The following CSGALNACT1 variants were observed in gnomAD, a reference collection of about 807,000 sequenced individuals.
The protein encoded by CSGALNACT1 is beta4GalNAcT-1.
A neutral mutation model predicts 51.0 loss-of-function variants in CSGALNACT1; 52 were observed. That is an observed-to-expected ratio of 1.02 (90% CI 0.82 to 1.29). CSGALNACT1 has a LOEUF of 1.29. Among genes scored for constraint, CSGALNACT1 ranks in the 50% most tolerant of loss-of-function variants. The pLI, the probability that CSGALNACT1 is intolerant of heterozygous loss-of-function variation, is 0.00. For missense variants in CSGALNACT1, 935 were observed against 679.2 expected, an observed-to-expected ratio of 1.38 and a Z score of -4.19; for synonymous variants, 341 against 254.4, an observed-to-expected ratio of 1.34 and a Z score of -3.24.
intron 1 of CSGALNACT1, among the ~76,000 whole-genome samples, chr8:19,622,764 TAAA>T (rs949168396): frequency 1.3e-5 from 2 of 150,732 alleles, no homozygotes; most frequent in African/African-American, 4.9e-5. Context: ...AGGGGGGAAA[TAAA>T]AAAGTAATAC....
At chr8:19,505,475 G>A (rs771507744) in exon 4 of CSGALNACT1, 4 of 1,614,184 alleles carry the variant, frequency 2.5e-6, no homozygotes, top group Non-Finnish European at 3.4e-6. Flanking sequence ...GGAAGGCCAG[G>A]AGGTCGGCCT....
At chr8:19,732,668 A>G (rs2154246458) in intron 1 of CSGALNACT1, 1 of 152,388 alleles carries the variant, frequency 6.6e-6, no homozygotes, top group Admixed American at 6.5e-5. Flanking sequence ...AGTGAGAAGT[A>G]TCCACAGACA....
chr8:19,722,563 T>C (rs1269533306), intron 1 of CSGALNACT1, among the ~76,000 whole-genome samples: 2 of 152,110 alleles, frequency 1.3e-5, no homozygotes, highest in Non-Finnish European at 2.9e-5. Flanking sequence ...CTCCCCAGCC[T>C]AGGGTCATGG....
At chr8:19,729,323 A>C (rs1196511258) in intron 1 of CSGALNACT1, among the ~76,000 whole-genome samples, 1 of 152,152 alleles carries the variant, frequency 6.6e-6, no homozygotes, top group Non-Finnish European at 1.5e-5. Context: ...TTGCGTGTAT[A>C]TTTGCAGACA....
intron 4 of CSGALNACT1, among the ~76,000 whole-genome samples, chr8:19,498,908 G>T (rs1319025446): frequency 6.6e-6 from 1 of 152,190 alleles, no homozygotes; most frequent in African/African-American, 2.4e-5. Flanking sequence ...GAGGCCAGGA[G>T]CTCAAGACCA....
chr8:19,721,950 C>G (rs1375799324), intron 1 of CSGALNACT1, among the ~76,000 whole-genome samples: 1 of 152,084 alleles, frequency 6.6e-6, no homozygotes, highest in East Asian at 1.9e-4. Flanking sequence ...TAAAATGTTG[C>G]TACAGTAAAA....
chr8:19,696,682 G>A (rs866638088), intron 1 of CSGALNACT1, among the ~76,000 whole-genome samples: 1 of 152,126 alleles, frequency 6.6e-6, no homozygotes, highest in African/African-American at 2.4e-5. Context: ...ACTGTTAAAT[G>A]AGAGGGATAG....
At chr8:19,550,018 T>C (rs1273767459) in intron 3 of CSGALNACT1, among the ~76,000 whole-genome samples, 1 of 152,194 alleles carries the variant, frequency 6.6e-6, no homozygotes, top group Non-Finnish European at 1.5e-5. Flanking sequence ...AGTTGGTCTT[T>C]TTTCTTCCAT....
chr8:19,584,166 T>TG (rs2046162351), intron 3 of CSGALNACT1, among the ~76,000 whole-genome samples: 1 of 152,222 alleles, frequency 6.6e-6, no homozygotes, highest in South Asian at 2.1e-4. Flanking sequence ...CACCTACCTC[T>TG]GCTGTTTTTT....
intron 4 of CSGALNACT1, among the ~76,000 whole-genome samples, chr8:19,490,706 G>C (rs1226696387): frequency 1.3e-5 from 2 of 152,184 alleles, no homozygotes; most frequent in Non-Finnish European, 2.9e-5. Context: ...ATGAGGCTTT[G>C]CTGTAACTTC....
At chr8:19,494,139 G>A (rs1051785516) in intron 4 of CSGALNACT1, among the ~76,000 whole-genome samples, 10 of 152,148 alleles carry the variant, frequency 6.6e-5, no homozygotes, top group African/African-American at 2.4e-4. Context: ...AATTCTTCAG[G>A]TTTATCACCT....
rs1416838512 is a variant in CSGALNACT1 at position 19,433,713 on chromosome 8, T to C, written c.953+6117A>G. 2.0e-5 allele frequency among the ~76,000 whole-genome samples: 3 copies of C among 152,224 alleles called. No individual in the cohort carries two copies. In the East Asian group the frequency reaches 5.8e-4, roughly 29 times the overall value. The stretch of plus-strand genomic sequence containing the variant: ...GATGTTTTAAAGCAAGCTTGTCCAA[T>C]GCATGTGGCCCAGGACAGCTTTGAA... On this transcript the variant is annotated intron_variant, in intron 6 of 9. Coordinates refer to ENST00000454498, the Ensembl canonical transcript of CSGALNACT1.
chr8:19,689,055 G>C (rs1564429698), intron 1 of CSGALNACT1: 1 of 152,178 alleles, frequency 6.6e-6, no homozygotes, highest in Non-Finnish European at 1.5e-5. Context: ...GCTTCTAATG[G>C]AGTATGGCAG....
At chr8:19,631,817 G>A (rs765616885) in intron 1 of CSGALNACT1, among the ~76,000 whole-genome samples, 1 of 152,196 alleles carries the variant, frequency 6.6e-6, no homozygotes, top group Non-Finnish European at 1.5e-5. Flanking sequence ...ATTTAAACAA[G>A]TGTGCAGTCC....
intron 1 of CSGALNACT1, among the ~76,000 whole-genome samples, chr8:19,628,447 G>A (rs1040952323): frequency 3.9e-5 from 6 of 152,188 alleles, no homozygotes; most frequent in African/African-American, 1.4e-4. Context: ...TCCCTCCCTT[G>A]ATACATGGGG....
chr8:19,455,050 T>C (rs2063834104), intron 5 of CSGALNACT1, among the ~76,000 whole-genome samples: 1 of 152,240 alleles, frequency 6.6e-6, no homozygotes, highest in Non-Finnish European at 1.5e-5. Flanking sequence ...TATCTGCAGA[T>C]ATGCAAAGAA....
At chr8:19,423,777 C>T (rs530405833) in intron 6 of CSGALNACT1, among the ~76,000 whole-genome samples, 100 of 152,240 alleles carry the variant, frequency 6.6e-4, no homozygotes, top group African/African-American at 2.3e-3. Flanking sequence ...AATTTGCTTC[C>T]TTTCTCTTCA....
intron 3 of CSGALNACT1, among the ~76,000 whole-genome samples, chr8:19,565,471 G>A (rs1202413041): frequency 1.3e-5 from 2 of 152,226 alleles, no homozygotes; most frequent in African/African-American, 4.8e-5. Context: ...TTCATCTCAG[G>A]TAGTTAGAGA....
intron 1 of CSGALNACT1, among the ~76,000 whole-genome samples, chr8:19,664,903 G>A (rs2059063627): frequency 6.6e-6 from 1 of 152,218 alleles, no homozygotes; most frequent in African/African-American, 2.4e-5. Flanking sequence ...GATGGGGGGT[G>A]AGAGACAACA....
Sources: gnomAD v4.1 joint callset for allele counts (sites outside exome capture counted in the v4.1 genomes callset) on GRCh38, gnomAD v4.1.1 for gene constraint, MANE v1.5 for transcripts, NCBI Gene and HGNC (gene_info 2026-07-23, HGNC 2026-07-21) for gene names.